PRKCE: variants seen among roughly 807,000 people sequenced by gnomAD.
The protein encoded by PRKCE is protein kinase C epsilon type.
Under a neutral mutation model 85.4 loss-of-function variants are expected in PRKCE, and 16 were observed. The ratio of observed to expected loss-of-function variants is 0.19; its 90% confidence interval spans 0.13 to 0.28. The LOEUF is 0.28. Ranked by LOEUF, PRKCE falls within the 10% of genes least tolerant of loss-of-function variation. PRKCE has a pLI of 1.00. For synonymous variants in PRKCE, 388 were observed against 371.5 expected, an observed-to-expected ratio of 1.04 and a Z score of -0.51; for missense variants, 573 against 975.2, an observed-to-expected ratio of 0.59 and a Z score of 5.49.
At chr2:45,691,721 G>A (rs1050534200) in intron 1 of PRKCE, among the ~76,000 whole-genome samples, 17 of 152,180 alleles carry the variant, frequency 1.1e-4, no homozygotes, top group Non-Finnish European at 2.1e-4. Context: ...CTGGTATTTG[G>A]TATTTGAGGT....
intron 10 of PRKCE, among the ~76,000 whole-genome samples, chr2:46,015,951 A>T (rs1022721501): frequency 6.6e-6 from 1 of 152,212 alleles, no homozygotes; most frequent in Non-Finnish European, 1.5e-5. Flanking sequence ...TGGGTCAGGC[A>T]GCCACCTGGG....
At chr2:45,759,976 G>C (rs1261309290) in intron 1 of PRKCE, among the ~76,000 whole-genome samples, 3 of 152,182 alleles carry the variant, frequency 2.0e-5, no homozygotes, top group Non-Finnish European at 4.4e-5. Context: ...TTGAGTCTTA[G>C]CTTAGGTCCC....
At chr2:45,654,533 A>G (rs1218380686) in intron 1 of PRKCE, among the ~76,000 whole-genome samples, 2 of 152,158 alleles carry the variant, frequency 1.3e-5, no homozygotes, top group Non-Finnish European at 2.9e-5. Context: ...GGCTTGTCTG[A>G]TGGGGAGCCG....
At chr2:45,951,893 C>T (rs1358999885) in intron 2 of PRKCE, among the ~76,000 whole-genome samples, 4 of 152,306 alleles carry the variant, frequency 2.6e-5, no homozygotes, top group Admixed American at 6.5e-5. Context: ...AGCACAGGGG[C>T]GCCATCTTGG....
At chr2:45,851,200 G>A (rs1034111584) in intron 2 of PRKCE, among the ~76,000 whole-genome samples, 1 of 152,322 alleles carries the variant, frequency 6.6e-6, no homozygotes, top group Non-Finnish European at 1.5e-5. Context: ...AGGAAATAGT[G>A]CCACGGCCCA....
intron 2 of PRKCE, among the ~76,000 whole-genome samples, chr2:45,872,162 T>C (rs1460868490): frequency 3.3e-5 from 5 of 152,048 alleles, no homozygotes; most frequent in Non-Finnish European, 7.4e-5. Flanking sequence ...TGATATGAAC[T>C]GTAGGGGGTG....
At chr2:45,993,469 C>T (rs778629228) in intron 6 of PRKCE, among the ~76,000 whole-genome samples, 4 of 152,100 alleles carry the variant, frequency 2.6e-5, no homozygotes, top group South Asian at 2.1e-4. Context: ...GGGGAAATAG[C>T]AGACTTTTTA....
chr2:45,803,216 C>G (rs1467253457), intron 1 of PRKCE, among the ~76,000 whole-genome samples: 1 of 152,192 alleles, frequency 6.6e-6, no homozygotes, highest in East Asian at 1.9e-4. Flanking sequence ...TACAAGGGAA[C>G]AAGATTTGGT....
At chr2:46,128,184 T>C (rs1674054990) in intron 11 of PRKCE, among the ~76,000 whole-genome samples, 1 of 152,216 alleles carries the variant, frequency 6.6e-6, no homozygotes, top group South Asian at 2.1e-4. Flanking sequence ...CATTTGCCAT[T>C]GTGTTGTTCC....
At chr2:45,708,960 C>T (rs886576941) in intron 1 of PRKCE, among the ~76,000 whole-genome samples, 9 of 152,206 alleles carry the variant, frequency 5.9e-5, no homozygotes, top group African/African-American at 1.9e-4. Context: ...CACACAGTTT[C>T]ACCTTGAATG....
At chr2:45,903,893 TTG>T (rs751982330) in intron 2 of PRKCE, among the ~76,000 whole-genome samples, 1 of 143,834 alleles carries the variant, frequency 7.0e-6, no homozygotes, top group Admixed American at 6.8e-5. Flanking sequence ...TTTTTTTTGT[TTG>T]TTTGTTTGTT....
intron 1 of PRKCE, among the ~76,000 whole-genome samples, chr2:45,805,752 G>A (rs189707074): frequency 4.6e-5 from 7 of 152,058 alleles, no homozygotes; most frequent in East Asian, 3.9e-4. Flanking sequence ...ACCTGCCACC[G>A]TGCCCGGCCA....
chr2:45,745,162 C>T (rs1422491296), intron 1 of PRKCE, among the ~76,000 whole-genome samples: 4 of 152,126 alleles, frequency 2.6e-5, no homozygotes, highest in African/African-American at 9.7e-5. Flanking sequence ...TACAATTGTC[C>T]CTGTCTGTCA....
intron 1 of PRKCE, among the ~76,000 whole-genome samples, chr2:45,705,240 A>G (rs1460858529): frequency 6.6e-6 from 1 of 152,196 alleles, no homozygotes; most frequent in Non-Finnish European, 1.5e-5. Flanking sequence ...GGCCTGAACT[A>G]TTGTTGCCCT....
Position 46,004,980 on chromosome 2 carries a change from T to C in PRKCE, c.1063+342T>C, listed in dbSNP as rs551164700. ...GGTACAGCTCCCTCTCTTAAAGCTC[T>C]TGCCTGGCCCTAGACCTGTCAACAC... On this transcript the variant is annotated intron_variant, in intron 8 of 14. Transcript: ENST00000306156. The surrounding 1 kb of genome is among the most constrained non-coding windows in gnomAD (Gnocchi z 4.1). 4.5e-4 allele frequency among the ~76,000 whole-genome samples: 69 copies of C among 152,298 alleles called. No individual in the cohort carries two copies. Among genetic ancestry groups the C allele is most frequent in the African/African-American group, 1.6e-3 (67 of 41,568 alleles).
intron 1 of PRKCE, among the ~76,000 whole-genome samples, chr2:45,767,554 C>T (rs1481363619): frequency 6.6e-6 from 1 of 152,208 alleles, no homozygotes; most frequent in Non-Finnish European, 1.5e-5. Context: ...CTTTGTAATA[C>T]TGAAGGCTTT....
At position 46,001,326 on chromosome 2, in the gene PRKCE, A is replaced by G. The variant is rs1574179694; in HGVS notation, c.824-78A>G. On this transcript the variant is annotated intron_variant, in intron 6 of 14. Transcript: ENST00000306156. This position sits in a 1 kb window ranked among gnomAD's most constrained non-coding sequence, Gnocchi z 4.4. The stretch of plus-strand genomic sequence containing the variant: ...TGAACATGTAATACTTCATGAACAT[A>G]TAATACAATCTCAAAGAAAAGAAGC... 7.2e-7 allele frequency: 1 copy of G among 1,397,450 alleles called. No individual in the cohort carries two copies. The highest frequency in any genetic ancestry group is 9.6e-7 in the Non-Finnish European group (1 of 1,039,048). 86.6% of individuals were successfully genotyped at this position (1,397,450 alleles called of 1,614,324 possible). A position where few individuals can be genotyped will look rare whatever the true frequency, so the allele number is the denominator to read the frequency against.
At chr2:46,042,019 A>C (rs537265451) in intron 10 of PRKCE, among the ~76,000 whole-genome samples, 1 of 152,304 alleles carries the variant, frequency 6.6e-6, no homozygotes, top group Non-Finnish European at 1.5e-5. Flanking sequence ...TTATGGTTTG[A>C]TTGTGTTTCT....
chr2:45,950,178 T>C (rs1038812266), intron 2 of PRKCE, among the ~76,000 whole-genome samples: 2 of 152,196 alleles, frequency 1.3e-5, no homozygotes, highest in South Asian at 2.1e-4. Flanking sequence ...CATAACAAAA[T>C]AGTTTTCTGC....
Sources: gnomAD v4.1 joint callset for allele counts (sites outside exome capture counted in the v4.1 genomes callset) on GRCh38, gnomAD v4.1.1 for gene constraint, Gnocchi (gnomAD v3.1) non-coding constraint, MANE v1.5 for transcripts, NCBI Gene and HGNC (gene_info 2026-07-23, HGNC 2026-07-21) for gene names.